SPTLC3: variants seen among roughly 807,000 people sequenced by gnomAD.
The protein encoded by SPTLC3 is serine palmitoyltransferase long chain base subunit 3.
In SPTLC3, 36 loss-of-function variants were observed where a neutral mutation model predicts 59.3. The observed-to-expected ratio is 0.61, with a 90% CI of 0.47 to 0.80. SPTLC3 has a LOEUF of 0.80. Ranked by LOEUF, SPTLC3 falls within the 30% of genes least tolerant of loss-of-function variation. SPTLC3 has a pLI of 0.00. For missense variants in SPTLC3, 625 were observed against 685.1 expected (o/e 0.91, Z 0.98); for synonymous variants, 257 against 240.8 (o/e 1.07, Z -0.62).
chr20:13,086,101 C>T (rs188163988), intron 4 of SPTLC3, among the ~76,000 whole-genome samples: 28 of 152,196 alleles, frequency 1.8e-4, no homozygotes, highest in South Asian at 1.5e-3. Context: ...ATTATAACTA[C>T]GCTTTCTTAG....
chr20:13,079,389 A>T (rs1009289608), intron 4 of SPTLC3, among the ~76,000 whole-genome samples: 3 of 152,188 alleles, frequency 2.0e-5, no homozygotes, highest in Non-Finnish European at 4.4e-5. Flanking sequence ...CATATAAGAG[A>T]AGAAGTTATA....
Position 13,094,205 on chromosome 20 carries a change from G to T in SPTLC3, c.826+628G>T, listed in dbSNP as rs778585201. Among the ~76,000 whole-genome samples, 46 of 152,160 alleles carry T rather than the reference G, an allele frequency of 3.0e-4. 1 individual carries two copies. The highest frequency in any genetic ancestry group is 2.2e-4 in the Non-Finnish European group (15 of 68,018). ...GTGGACATCTGAGTTCTCTCGTCCA[G>T]CTCTGCTCCTGACTTACTGTGTCAC... On this transcript the variant is annotated intron_variant, in intron 6 of 11. Coordinates refer to ENST00000399002, the MANE Select transcript of SPTLC3 (RefSeq NM_018327.4).
At chr20:13,043,798 A>G (rs539989332) in intron 1 of SPTLC3, among the ~76,000 whole-genome samples, 11 of 152,232 alleles carry the variant, frequency 7.2e-5, no homozygotes, top group African/African-American at 2.4e-4. Flanking sequence ...CCCTACCACT[A>G]TACTTCTTTA....
intron 1 of SPTLC3, among the ~76,000 whole-genome samples, chr20:13,016,095 C>G (rs1985516385): frequency 6.6e-6 from 1 of 150,772 alleles, no homozygotes; most frequent in Admixed American, 6.6e-5. Flanking sequence ...CAAAAAGAGG[C>G]CAAACACCAG....
intron 6 of SPTLC3, 89 bp from the exon 7 acceptor site, chr20:13,110,023 T>A: frequency 9.2e-7 from 1 of 1,082,982 alleles, no homozygotes; most frequent in Non-Finnish European, 1.3e-6. Flanking sequence ...TAGGTCTGAG[T>A]GTGAACATAA....
intron 4 of SPTLC3, among the ~76,000 whole-genome samples, chr20:13,089,358 C>G (rs1989126695): frequency 6.6e-6 from 1 of 152,116 alleles, no homozygotes; most frequent in Admixed American, 6.5e-5. Flanking sequence ...AAACATGAGG[C>G]AAGACGCATG....
At chr20:13,092,041 C>T (rs770731685) in intron 5 of SPTLC3, among the ~76,000 whole-genome samples, 4 of 152,092 alleles carry the variant, frequency 2.6e-5, no homozygotes, top group Non-Finnish European at 5.9e-5. Flanking sequence ...AAGGCATGCC[C>T]ATATACGAGG....
intron 1 of SPTLC3, among the ~76,000 whole-genome samples, chr20:13,014,085 C>G (rs1985394933): frequency 6.6e-6 from 1 of 152,186 alleles, no homozygotes; most frequent in Admixed American, 6.5e-5. Flanking sequence ...AAAATAGAAA[C>G]TACAAGACCT....
intron 6 of SPTLC3, among the ~76,000 whole-genome samples, chr20:13,105,364 T>A (rs6041863): frequency 0.75 from 114,480 of 152,122 alleles, 44,172 homozygotes; most frequent in African/African-American, 0.94. Context: ...CTCCCATGGC[T>A]ATCTCCATTC....
chr20:13,063,640 T>TATTC (rs1195286095), intron 2 of SPTLC3, among the ~76,000 whole-genome samples: 1 of 146,190 alleles, frequency 6.8e-6, no homozygotes, highest in Non-Finnish European at 1.5e-5. Flanking sequence ...TTTTAAATTT[T>TATTC]ATTTATTTAT....
chr20:13,066,338 T>C (rs1226417156), intron 2 of SPTLC3, among the ~76,000 whole-genome samples: 1 of 152,218 alleles, frequency 6.6e-6, no homozygotes, highest in East Asian at 1.9e-4. Context: ...CCCCATTGTG[T>C]GTTTTTGGCT....
intron 1 of SPTLC3, among the ~76,000 whole-genome samples, chr20:13,024,614 T>C (rs1234806802): frequency 1.3e-5 from 2 of 152,200 alleles, no homozygotes; most frequent in African/African-American, 4.8e-5. Flanking sequence ...TTTTGATTCC[T>C]TTTTTGGAGA....
At chr20:13,024,720 G>A (rs1464816960) in intron 1 of SPTLC3, among the ~76,000 whole-genome samples, 2 of 152,184 alleles carry the variant, frequency 1.3e-5, no homozygotes, top group African/African-American at 4.8e-5. Context: ...ACTGGCTAAT[G>A]TGTAAATCAT....
At chr20:13,017,199 A>C (rs1233862477) in intron 1 of SPTLC3, among the ~76,000 whole-genome samples, 2 of 152,328 alleles carry the variant, frequency 1.3e-5, no homozygotes, top group East Asian at 3.9e-4. Flanking sequence ...CATTCTTAAT[A>C]AAAATTTTAG....
intron 11 of SPTLC3, among the ~76,000 whole-genome samples, chr20:13,162,168 T>A (rs1364949050): frequency 6.6e-6 from 1 of 152,174 alleles, no homozygotes; most frequent in African/African-American, 2.4e-5. Context: ...CTTGAAAATG[T>A]AGAAGGCTTG....
intron 9 of SPTLC3, among the ~76,000 whole-genome samples, chr20:13,129,897 A>G (rs983599812): frequency 8.5e-5 from 13 of 152,262 alleles, no homozygotes; most frequent in African/African-American, 3.1e-4. Context: ...TTTTAACCTC[A>G]GTTTTAAAGC....
At chr20:13,087,617 G>A (rs79758374) in intron 4 of SPTLC3, among the ~76,000 whole-genome samples, 1,673 of 152,164 alleles carry the variant, frequency 0.011, 22 homozygotes, top group African/African-American at 0.038. Context: ...ACTATGTGTC[G>A]GCACTGTGGC....
Position 13,081,098 on chromosome 20 carries a change from C to T in SPTLC3, c.607+6601C>T, listed in dbSNP as rs115418048. ...ATTAATATAGAGAGTTTATTTGGGCCGAAGTTGAGGACAGCTTCCCAGGAC... is the reference window on the plus strand; with the variant it reads ...ATTAATATAGAGAGTTTATTTGGGCTGAAGTTGAGGACAGCTTCCCAGGAC... On this transcript the variant is annotated intron_variant, in intron 4 of 11. Transcript: ENST00000399002. 7.6e-3 allele frequency among the ~76,000 whole-genome samples: 1,149 copies of T among 152,148 alleles called. 13 individuals carry two copies. The highest frequency in any genetic ancestry group is 0.026 in the African/African-American group (1,071 of 41,504).
chr20:13,154,215 A>C (rs1255286613), intron 10 of SPTLC3, 77 bp downstream of exon 10: 18 of 1,566,180 alleles, frequency 1.1e-5, no homozygotes, highest in Non-Finnish European at 1.6e-5. Flanking sequence ...CAGGCGTTAG[A>C]TTATGCATCT....
Sources: gnomAD v4.1 joint callset for allele counts (sites outside exome capture counted in the v4.1 genomes callset) on GRCh38, gnomAD v4.1.1 for gene constraint, MANE v1.5 for transcripts, NCBI Gene and HGNC (gene_info 2026-07-23, HGNC 2026-07-21) for gene names.